Variants in EHBP1 observed in about 807,000 individuals in gnomAD.
EHBP1 encodes EH domain-binding protein 1.
In EHBP1, 55 loss-of-function variants were observed where a neutral mutation model predicts 144.0. That is an observed-to-expected ratio of 0.38 (90% CI 0.31 to 0.48). The LOEUF (loss-of-function observed/expected upper bound fraction) is 0.48. EHBP1 is among the 20% of genes least tolerant of loss of function. EHBP1 has a pLI of 0.98. For missense variants in EHBP1, 1,200 were observed against 1,364.2 expected (o/e 0.88, Z 1.90); for synonymous variants, 469 against 472.7 (o/e 0.99, Z 0.10).
At chr2:62,937,367 C>T (rs893347950) in intron 10 of EHBP1, among the ~76,000 whole-genome samples, 4 of 152,080 alleles carry the variant, frequency 2.6e-5, no homozygotes, top group African/African-American at 4.8e-5. Flanking sequence ...CTATCTCAAA[C>T]GAGTTGTGAG....
chr2:62,820,707 T>C (rs1309971522), intron 5 of EHBP1, among the ~76,000 whole-genome samples: 3 of 132,440 alleles, frequency 2.3e-5, no homozygotes, highest in Non-Finnish European at 3.2e-5. Context: ...TAGTATTCCA[T>C]TGGGTGTGTG....
At chr2:62,970,888 C>G (rs926446785) in intron 14 of EHBP1, among the ~76,000 whole-genome samples, 2 of 152,084 alleles carry the variant, frequency 1.3e-5, no homozygotes, top group Non-Finnish European at 2.9e-5. Flanking sequence ...TTAATTACTA[C>G]GACTAAGGAG....
At chr2:62,996,822 C>T in intron 19 of EHBP1, 56 bp downstream of exon 19, 1 of 1,583,526 alleles carries the variant, frequency 6.3e-7, no homozygotes, top group Non-Finnish European at 8.5e-7. Context: ...TTCACAAACT[C>T]TTATAGAGTT....
At chr2:62,721,982 C>T (rs1348541013) in intron 2 of EHBP1, among the ~76,000 whole-genome samples, 1 of 152,102 alleles carries the variant, frequency 6.6e-6, no homozygotes, top group Non-Finnish European at 1.5e-5. Context: ...CCCCTCAATT[C>T]CCCAAGTGGC....
chr2:62,877,203 T>G (rs2050960800), intron 10 of EHBP1, among the ~76,000 whole-genome samples: 1 of 152,142 alleles, frequency 6.6e-6, no homozygotes, highest in African/African-American at 2.4e-5. Flanking sequence ...GAGGGGTTGC[T>G]ATTCTAATGC....
intron 14 of EHBP1, among the ~76,000 whole-genome samples, chr2:62,960,498 C>T (rs192152008): frequency 6.3e-4 from 96 of 152,276 alleles, no homozygotes; most frequent in African/African-American, 1.6e-3. Flanking sequence ...TCTACCGTAG[C>T]ATGCATTCAT....
intron 19 of EHBP1, among the ~76,000 whole-genome samples, chr2:63,027,381 G>T (rs1046407855): frequency 2.0e-5 from 3 of 152,226 alleles, no homozygotes; most frequent in African/African-American, 7.2e-5. Context: ...GTGTACTCAA[G>T]TGAAGAGAAT....
chr2:62,771,655 T>G (rs1191945986), intron 5 of EHBP1: 1 of 169,330 alleles, frequency 5.9e-6, no homozygotes, highest in African/African-American at 2.4e-5. Flanking sequence ...ATTATATATA[T>G]AAAAAATATA....
At chr2:62,930,076 C>G (rs191619372) in intron 10 of EHBP1, among the ~76,000 whole-genome samples, 1 of 152,134 alleles carries the variant, frequency 6.6e-6, no homozygotes, top group African/African-American at 2.4e-5. Context: ...GCGAAACCCC[C>G]ATCTCTACAA....
chr2:62,745,869 C>G (rs926335753), intron 2 of EHBP1, among the ~76,000 whole-genome samples: 2 of 151,996 alleles, frequency 1.3e-5, no homozygotes, highest in African/African-American at 2.4e-5. Context: ...CTCTTTCAGT[C>G]AAGTAAACCT....
chr2:62,976,259 C>T (rs987950354), intron 14 of EHBP1, among the ~76,000 whole-genome samples: 3 of 152,076 alleles, frequency 2.0e-5, no homozygotes, highest in African/African-American at 7.2e-5. Context: ...TCCCTGGCTC[C>T]ATTGGACATC....
chr2:62,979,935 A>G (rs963845387), intron 15 of EHBP1, among the ~76,000 whole-genome samples: 5 of 152,196 alleles, frequency 3.3e-5, no homozygotes, highest in African/African-American at 9.7e-5. Context: ...GAGATGCTCA[A>G]TTTGGACATC....
rs1320763490 is a variant in EHBP1, at chr2:62,764,171, T to C, written c.163-95T>C. 11 of 871,526 alleles carry C rather than the reference T, an allele frequency of 1.3e-5. No individual in the cohort carries two copies. In the African/African-American group the frequency reaches 1.8e-4, roughly 14 times the overall value. The allele number at this position is 871,526 out of a possible 1,614,324, so 54.0% of individuals were successfully genotyped here. A position where few individuals can be genotyped will look rare whatever the true frequency, so the allele number is the denominator to read the frequency against. On this transcript the variant is annotated intron_variant, in intron 3 of 22. Coordinates refer to ENST00000431489, the MANE Select transcript of EHBP1 (RefSeq NM_001142616.3). ...TGTAAATTACTAACATTGCATTTCC[T>C]GTACTTCATATTGAAGGTATCATTT...
chr2:62,829,185 C>G (rs540550010), intron 6 of EHBP1, among the ~76,000 whole-genome samples: 1 of 151,060 alleles, frequency 6.6e-6, no homozygotes, highest in Non-Finnish European at 1.5e-5. Flanking sequence ...CAGAATCGAA[C>G]TAATTCCTAA....
At chr2:62,759,888 A>G (rs945332214) in intron 3 of EHBP1, among the ~76,000 whole-genome samples, 1 of 152,206 alleles carries the variant, frequency 6.6e-6, no homozygotes, top group Non-Finnish European at 1.5e-5. Context: ...AGAAAACAGT[A>G]ACACTATTTT....
At chr2:62,882,440 G>A (rs183224675) in intron 10 of EHBP1, among the ~76,000 whole-genome samples, 2 of 152,178 alleles carry the variant, frequency 1.3e-5, no homozygotes, top group Admixed American at 6.5e-5. Context: ...GAAACTTTAG[G>A]TCCCTTATCC....
At chr2:62,870,292 T>C (rs1011170467) in intron 9 of EHBP1, among the ~76,000 whole-genome samples, 1 of 152,114 alleles carries the variant, frequency 6.6e-6, no homozygotes, top group Non-Finnish European at 1.5e-5. Flanking sequence ...ATTCAGAATG[T>C]TAACAAAGTA....
chr2:63,030,265 G>C (rs1489946020), intron 19 of EHBP1, among the ~76,000 whole-genome samples: 1 of 152,046 alleles, frequency 6.6e-6, no homozygotes, highest in East Asian at 1.9e-4. Context: ...TTATGAGTCA[G>C]TTGCTCTATC....
chr2:62,768,627 A>G (rs1307778965), intron 4 of EHBP1, among the ~76,000 whole-genome samples: 1 of 152,212 alleles, frequency 6.6e-6, no homozygotes, highest in African/African-American at 2.4e-5. Context: ...AAACTATTCT[A>G]AAAAATTGAG....
Sources: gnomAD v4.1 joint callset for allele counts (sites outside exome capture counted in the v4.1 genomes callset) on GRCh38, gnomAD v4.1.1 for gene constraint, MANE v1.5 for transcripts, NCBI Gene and HGNC (gene_info 2026-07-23, HGNC 2026-07-21) for gene names.